AFF1: variants seen among roughly 807,000 people sequenced by gnomAD.
The protein encoded by AFF1 is AF4/FMR2 family member 1.
In AFF1, 48 loss-of-function variants were observed where a neutral mutation model predicts 121.7. The observed-to-expected ratio is 0.39, with a 90% CI of 0.31 to 0.50. The LOEUF is 0.50. Ranked by LOEUF, AFF1 falls within the 20% of genes least tolerant of loss-of-function variation. The pLI is 0.76. For missense variants in AFF1, 1,523 were observed against 1,511.7 expected (o/e 1.01, Z -0.12); for synonymous variants, 613 against 563.0 (o/e 1.09, Z -1.26).
chr4:87,043,004 T>C (rs963473385), intron 2 of AFF1, among the ~76,000 whole-genome samples: 1 of 152,212 alleles, frequency 6.6e-6, no homozygotes, highest in African/African-American at 2.4e-5. Context: ...GTGTGTGGAA[T>C]TGATGAGAAA....
chr4:87,034,588 G>GTAGT (rs1729380910), intron 2 of AFF1, among the ~76,000 whole-genome samples: 1 of 152,166 alleles, frequency 6.6e-6, no homozygotes. Flanking sequence ...TTACCCAAAC[G>GTAGT]TAGTACCTTT....
intron 2 of AFF1, among the ~76,000 whole-genome samples, chr4:86,953,709 A>G (rs1192116152): frequency 6.6e-6 from 1 of 150,388 alleles, no homozygotes; most frequent in Admixed American, 6.6e-5. Context: ...AGTTTAGTGC[A>G]TTTTCTTTTC....
At chr4:87,121,101 G>A (rs539008975) in intron 12 of AFF1, among the ~76,000 whole-genome samples, 3 of 152,140 alleles carry the variant, frequency 2.0e-5, no homozygotes, top group Non-Finnish European at 4.4e-5. Context: ...TCGTCAGCCG[G>A]CAGCCTCCCT....
intron 4 of AFF1, among the ~76,000 whole-genome samples, chr4:87,063,091 TTAAG>T (rs1204580872): frequency 2.0e-5 from 3 of 152,134 alleles, no homozygotes; most frequent in Non-Finnish European, 4.4e-5. Flanking sequence ...GGAGATAGGT[TTAAG>T]TAAGAAAATG....
chr4:86,967,057 C>T (rs1035236018), intron 2 of AFF1, among the ~76,000 whole-genome samples: 44 of 152,212 alleles, frequency 2.9e-4, no homozygotes, highest in African/African-American at 1.0e-3. Flanking sequence ...TTGGCATATA[C>T]TATTCCTTCC....
chr4:86,991,744 A>G (rs1159652695), intron 2 of AFF1, among the ~76,000 whole-genome samples: 2 of 151,924 alleles, frequency 1.3e-5, no homozygotes, highest in Non-Finnish European at 2.9e-5. Flanking sequence ...TAATCACCAC[A>G]GAGACTTTAG....
chr4:87,106,544 C>A (rs144236358), intron 10 of AFF1, among the ~76,000 whole-genome samples: 66 of 152,290 alleles, frequency 4.3e-4, no homozygotes, highest in African/African-American at 7.5e-4. Context: ...TTCCATTATG[C>A]CTGTTTTCTT....
intron 4 of AFF1, among the ~76,000 whole-genome samples, chr4:87,054,540 A>T (rs912079055): frequency 6.6e-6 from 1 of 152,192 alleles, no homozygotes; most frequent in Admixed American, 6.5e-5. Flanking sequence ...ATGTTTTATT[A>T]TGGTAACTCT....
intron 4 of AFF1, among the ~76,000 whole-genome samples, chr4:87,062,081 T>C (rs1195587387): frequency 6.6e-6 from 1 of 152,242 alleles, no homozygotes; most frequent in Non-Finnish European, 1.5e-5. Flanking sequence ...ACATGGATTC[T>C]TATCCTCCTT....
At chr4:86,982,557 G>C (rs1055800717) in intron 2 of AFF1, among the ~76,000 whole-genome samples, 2 of 151,518 alleles carry the variant, frequency 1.3e-5, no homozygotes, top group African/African-American at 2.4e-5. Context: ...TGGGATTAGT[G>C]CCCTTATAAA....
chr4:87,032,402 G>C (rs1454467155), intron 2 of AFF1, among the ~76,000 whole-genome samples: 3 of 152,178 alleles, frequency 2.0e-5, no homozygotes, highest in Admixed American at 2.0e-4. Context: ...CGAGTGTGGC[G>C]TGTGTAATTA....
At chr4:87,008,756 T>G (rs1219558271) in intron 2 of AFF1, among the ~76,000 whole-genome samples, 4 of 152,190 alleles carry the variant, frequency 2.6e-5, no homozygotes, top group Non-Finnish European at 4.4e-5. Context: ...TTTTGTGCTC[T>G]CCACTCAGGA....
At chr4:87,130,375 T>C (rs1233932592) in intron 16 of AFF1, among the ~76,000 whole-genome samples, 1 of 152,198 alleles carries the variant, frequency 6.6e-6, no homozygotes, top group South Asian at 2.1e-4. Context: ...ATACGCCACA[T>C]GTAGAGAGAA....
chr4:86,966,955 A>G (rs1248651513), intron 2 of AFF1, among the ~76,000 whole-genome samples: 1 of 152,170 alleles, frequency 6.6e-6, no homozygotes, highest in Non-Finnish European at 1.5e-5. Context: ...CTCATCTCCC[A>G]TCACTACTGT....
chr4:87,090,467 C>G (rs980028154), intron 6 of AFF1, among the ~76,000 whole-genome samples: 1 of 152,188 alleles, frequency 6.6e-6, no homozygotes, highest in Non-Finnish European at 1.5e-5. Context: ...ATCAGTTACA[C>G]TAGTGCTGGT....
intron 4 of AFF1, among the ~76,000 whole-genome samples, chr4:87,062,457 C>T (rs1720879585): frequency 6.6e-6 from 1 of 152,060 alleles, no homozygotes; most frequent in Admixed American, 6.6e-5. Context: ...GATTTAAGTC[C>T]AACATAGGAA....
intron 2 of AFF1, among the ~76,000 whole-genome samples, chr4:86,992,176 C>G (rs979767034): frequency 1.3e-5 from 2 of 152,056 alleles, no homozygotes; most frequent in African/African-American, 2.4e-5. Flanking sequence ...TATGGACTCT[C>G]GAGTGCAGGG....
chr4:86,981,163 C>T (rs939673739), intron 2 of AFF1, among the ~76,000 whole-genome samples: 2 of 151,760 alleles, frequency 1.3e-5, no homozygotes, highest in Non-Finnish European at 1.5e-5. Context: ...CAGGTGCCCA[C>T]CACCAAGCAC....
intron 6 of AFF1, among the ~76,000 whole-genome samples, chr4:87,091,372 C>T (rs1335101269): frequency 6.6e-6 from 1 of 152,156 alleles, no homozygotes; most frequent in Non-Finnish European, 1.5e-5. Flanking sequence ...CACTGCACTC[C>T]AGCCTGGGGT....
Sources: gnomAD v4.1 joint callset for allele counts (sites outside exome capture counted in the v4.1 genomes callset) on GRCh38, gnomAD v4.1.1 for gene constraint, MANE v1.5 for transcripts, NCBI Gene and HGNC (gene_info 2026-07-23, HGNC 2026-07-21) for gene names.